Variants in C1GALT1 observed in about 807,000 individuals in gnomAD.
C1GALT1 encodes core 1 synthase, glycoprotein-N-acetylgalactosamine 3-beta-galactosyltransferase 1, also known as glycoprotein-N-acetylgalactosamine 3-beta-galactosyltransferase 1.
C1GALT1 carries 11 observed loss-of-function variants against 31.0 expected under a neutral mutation model. That is an observed-to-expected ratio of 0.36 (90% confidence interval 0.22 to 0.59). The LOEUF (loss-of-function observed/expected upper bound fraction) is 0.59. C1GALT1 is among the 20% of genes least tolerant of loss of function. The pLI, the probability that C1GALT1 is intolerant of heterozygous loss-of-function variation, is 0.79. For synonymous variants in C1GALT1, 175 were observed against 143.6 expected (o/e 1.22, Z -1.56); for missense variants, 424 against 425.2 (o/e 1.00, Z 0.03).
intron 2 of C1GALT1, among the ~76,000 whole-genome samples, chr7:7,237,897 A>G (rs956023941): frequency 2.6e-5 from 4 of 152,214 alleles, no homozygotes; most frequent in African/African-American, 9.7e-5. Flanking sequence ...ATGAAGCACC[A>G]GGAGAACTTA....
intron 2 of C1GALT1, among the ~76,000 whole-genome samples, chr7:7,167,219 C>T (rs1780408001): frequency 6.6e-6 from 1 of 152,178 alleles, no homozygotes; most frequent in Non-Finnish European, 1.5e-5. Context: ...AATGAAATTG[C>T]TTATGCAGTG....
chr7:7,209,269 T>C (rs1440335948), intron 1 of C1GALT1, among the ~76,000 whole-genome samples: 1 of 152,258 alleles, frequency 6.6e-6, no homozygotes, highest in African/African-American at 2.4e-5. Flanking sequence ...TAAAAAGTGA[T>C]TGACTTCACA....
chr7:7,234,473 G>C lies in C1GALT1; in HGVS notation c.154G>C (p.Asp52His), dbSNP rs1009591228. Residue 52 changes from aspartate to histidine, a missense_variant, in exon 2 of 4, where the codon GAT becomes CAT. By Grantham distance (81) the Asp-to-His change is moderately conservative (BLOSUM62 -1). Transcript: ENST00000436587. ...LHNDPHARHS[D>H]DNGQNHLEGQ... ...TAATGATCCTCATGCAAGGCATTCA[G>C]ATGATAATGGACAGAATCATCTAGA... The C allele has an allele frequency of 1.2e-6, 2 of 1,613,836 alleles. No individual in the cohort carries two copies. Among genetic ancestry groups the C allele is most frequent in the Non-Finnish European group, 1.7e-6 (2 of 1,179,918 alleles).
At chr7:7,167,978 T>C (rs544759990) in intron 2 of C1GALT1, among the ~76,000 whole-genome samples, 2 of 152,344 alleles carry the variant, frequency 1.3e-5, no homozygotes, top group South Asian at 4.1e-4. Flanking sequence ...AGAAAGACAC[T>C]GTTCTTTCTT....
chr7:7,237,319 G>C (rs1783408849), intron 2 of C1GALT1, among the ~76,000 whole-genome samples: 1 of 152,128 alleles, frequency 6.6e-6, no homozygotes, highest in South Asian at 2.1e-4. Flanking sequence ...CTGACACTTT[G>C]TCAGCTGTTT....
chr7:7,180,411 T>C (rs1196702531), upstream of C1GALT1, among the ~76,000 whole-genome samples: 1 of 152,210 alleles, frequency 6.6e-6, no homozygotes, highest in African/African-American at 2.4e-5. Flanking sequence ...TAGTAAAAAC[T>C]TGGAAACATA....
intron 3 of C1GALT1, among the ~76,000 whole-genome samples, chr7:7,240,086 A>G (rs1056449596): frequency 2.0e-5 from 3 of 152,322 alleles, no homozygotes; most frequent in East Asian, 3.9e-4. Context: ...TGTCATCTTC[A>G]TAAGGCAATG....
At chr7:7,224,732 G>A (rs1387127215) in intron 1 of C1GALT1, among the ~76,000 whole-genome samples, 1 of 151,970 alleles carries the variant, frequency 6.6e-6, no homozygotes, top group Non-Finnish European at 1.5e-5. Context: ...ATCTTTAGAG[G>A]CTGTCCATTT....
At chr7:7,186,143 CT>C (rs1780806544) in intron 1 of C1GALT1, among the ~76,000 whole-genome samples, 1 of 150,960 alleles carries the variant, frequency 6.6e-6, no homozygotes, top group Admixed American at 6.6e-5. Context: ...TAGCCCAGAA[CT>C]CTTTCTTTCT....
upstream of C1GALT1, among the ~76,000 whole-genome samples, chr7:7,181,941 C>G (rs1780597815): frequency 6.6e-6 from 1 of 152,118 alleles, no homozygotes; most frequent in Non-Finnish European, 1.5e-5. Flanking sequence ...TGTTACGCCC[C>G]TAAGAAGCTC....
At chr7:7,242,892 T>C (rs577702334) in intron 3 of C1GALT1, among the ~76,000 whole-genome samples, 1 of 152,192 alleles carries the variant, frequency 6.6e-6, no homozygotes, top group East Asian at 1.9e-4. Context: ...ACACACATTG[T>C]CTCCTTTAAA....
At chr7:7,159,961 A>G (rs1780316361) in intron 2 of C1GALT1, among the ~76,000 whole-genome samples, 1 of 152,106 alleles carries the variant, frequency 6.6e-6, no homozygotes, top group Non-Finnish European at 1.5e-5. Context: ...TTCCTTTCTC[A>G]CATCCTAGGG....
rs538614414 is a variant in C1GALT1, at chr7:7,213,761, T to A, written c.-17-20542T>A. 1.6e-3 allele frequency among the ~76,000 whole-genome samples: 240 copies of A among 152,364 alleles called. 2 individuals are homozygous for A. Among genetic ancestry groups the A allele is most frequent in the Middle Eastern group, 0.01 (3 of 294 alleles). On this transcript the variant is annotated intron_variant, in intron 1 of 3. Transcript: ENST00000436587. Reference sequence around the variant, plus strand: ...ATTATTTCATCTAATTTTATCCACTTTGACCATGAGGTAAAAATCTTTACA... The same window carrying A: ...ATTATTTCATCTAATTTTATCCACTATGACCATGAGGTAAAAATCTTTACA...
At chr7:7,199,424 C>G (rs1159281343) in intron 1 of C1GALT1, among the ~76,000 whole-genome samples, 1 of 152,126 alleles carries the variant, frequency 6.6e-6, no homozygotes, top group East Asian at 1.9e-4. Flanking sequence ...AATTTCTGTT[C>G]TTTTACATTT....
At position 7,238,187 on chromosome 7, in the gene C1GALT1, A is replaced by G; in HGVS notation, c.221-68A>G. ...TTGAAATTAGGACAGTGCTTTCTTC[A>G]GTATAATTTATTAATATTTGGATTT... is the stretch of plus-strand genomic sequence containing the variant. On this transcript the variant is annotated intron_variant, in intron 2 of 3. Transcript: ENST00000436587. This position sits in a 1 kb window ranked among gnomAD's most constrained non-coding sequence, Gnocchi z 5.2. 1 of 1,367,598 alleles carries G rather than the reference A, an allele frequency of 7.3e-7. No homozygotes were observed. The highest frequency in any genetic ancestry group is 9.9e-7 in the Non-Finnish European group (1 of 1,009,608). 84.7% of individuals were successfully genotyped at this position (1,367,598 alleles called of 1,614,324 possible).
At chr7:7,189,882 T>G (rs1272465771) in intron 1 of C1GALT1, among the ~76,000 whole-genome samples, 2 of 142,070 alleles carry the variant, frequency 1.4e-5, no homozygotes, top group African/African-American at 5.9e-5. Flanking sequence ...CTGGTTTTGT[T>G]TTTTTTTCCC....
chr7:7,167,288 C>A lies in C1GALT1; in HGVS notation c.-18+9862C>A, dbSNP rs372069392. Among the ~76,000 whole-genome samples, 6 of 152,288 alleles carry A rather than the reference C, an allele frequency of 3.9e-5. No homozygotes were observed. The East Asian group carries it at 5.8e-4, about 15-fold the overall frequency. Reference sequence around the variant, plus strand: ...TCAGGAGTTTGCCCCGAATGGCAATCCAAACTAGACATAATATTGGGAGAA... The same window carrying A: ...TCAGGAGTTTGCCCCGAATGGCAATACAAACTAGACATAATATTGGGAGAA... On this transcript the variant is annotated intron_variant, in intron 2 of 3. Transcript: ENST00000429911.
chr7:7,195,041 G>A (rs1412868095), intron 1 of C1GALT1, among the ~76,000 whole-genome samples: 1 of 152,040 alleles, frequency 6.6e-6, no homozygotes, highest in African/African-American at 2.4e-5. Flanking sequence ...TTCTAATTGA[G>A]CTTATTTGGA....
chr7:7,164,348 A>C (rs565652053), intron 2 of C1GALT1, among the ~76,000 whole-genome samples: 1 of 152,194 alleles, frequency 6.6e-6, no homozygotes. Context: ...TCTATGATGT[A>C]TGAAGAGCTA....
Sources: gnomAD v4.1 joint callset for allele counts (sites outside exome capture counted in the v4.1 genomes callset) on GRCh38, gnomAD v4.1.1 for gene constraint, Gnocchi (gnomAD v3.1) non-coding constraint, MANE v1.5 for transcripts, NCBI Gene and HGNC (gene_info 2026-07-23, HGNC 2026-07-21) for gene names.